SLC1A2: variants seen among roughly 807,000 people sequenced by gnomAD.
The protein encoded by SLC1A2 is solute carrier family 1 member 2.
A neutral mutation model predicts 48.8 loss-of-function variants in SLC1A2; 15 were observed. That is an observed-to-expected ratio of 0.31 (90% CI 0.21 to 0.47). SLC1A2 has a LOEUF of 0.47. Ranked by LOEUF, SLC1A2 falls within the 20% of genes least tolerant of loss-of-function variation. SLC1A2 has a pLI of 0.99. For synonymous variants in SLC1A2, 279 were observed against 272.6 expected, an observed-to-expected ratio of 1.02 and a Z score of -0.23; for missense variants, 502 against 730.5, an observed-to-expected ratio of 0.69 and a Z score of 3.61.
chr11:35,292,024 C>A, intron 7 of SLC1A2: 1 of 429,294 alleles, frequency 2.3e-6, no homozygotes, highest in South Asian at 3.7e-5. Context: ...GGCATGCAAA[C>A]AAATAGCATG....
At chr11:35,341,440 C>T (rs570923154) in intron 1 of SLC1A2, among the ~76,000 whole-genome samples, 24 of 152,234 alleles carry the variant, frequency 1.6e-4, no homozygotes, top group South Asian at 4.1e-4. Flanking sequence ...CTGTTAAAAA[C>T]CTAATAAGGT....
intron 1 of SLC1A2, among the ~76,000 whole-genome samples, chr11:35,335,833 T>C (rs1013245757): frequency 4.6e-5 from 7 of 152,038 alleles, no homozygotes; most frequent in Non-Finnish European, 1.0e-4. Flanking sequence ...CATAAGCCAG[T>C]CTCAAAAAAA....
At chr11:35,389,138 G>A (rs1231198800) in intron 1 of SLC1A2, among the ~76,000 whole-genome samples, 1 of 146,944 alleles carries the variant, frequency 6.8e-6, no homozygotes, top group Non-Finnish European at 1.5e-5. Flanking sequence ...AAAAACTGAG[G>A]GAAAAAAAAT....
intron 9 of SLC1A2, among the ~76,000 whole-genome samples, chr11:35,278,237 T>C (rs909544200): frequency 2.6e-5 from 4 of 151,916 alleles, no homozygotes; most frequent in Non-Finnish European, 5.9e-5. Context: ...GAACTGATTC[T>C]GTTCAGGGAG....
At chr11:35,314,611 G>T (rs1047158320) in intron 3 of SLC1A2, among the ~76,000 whole-genome samples, 1 of 151,838 alleles carries the variant, frequency 6.6e-6, no homozygotes, top group Non-Finnish European at 1.5e-5. Context: ...TACTCAGGAG[G>T]CTGAGGCAGG....
At chr11:35,361,668 G>C (rs4756223) in intron 1 of SLC1A2, among the ~76,000 whole-genome samples, 2 of 152,006 alleles carry the variant, frequency 1.3e-5, no homozygotes, top group East Asian at 3.9e-4. Context: ...TTTAGTCTTA[G>C]GGTAGAAAGG....
At chr11:35,388,476 C>G (rs1854652075) in intron 1 of SLC1A2, among the ~76,000 whole-genome samples, 1 of 152,226 alleles carries the variant, frequency 6.6e-6, no homozygotes, top group East Asian at 1.9e-4. Flanking sequence ...CTCACTGCAA[C>G]CTTGACCTCC....
chr11:35,365,295 A>C (rs114814970), intron 1 of SLC1A2, among the ~76,000 whole-genome samples: 1 of 152,174 alleles, frequency 6.6e-6, no homozygotes, highest in Non-Finnish European at 1.5e-5. Flanking sequence ...AAAGCCCTTG[A>C]CATTGCTCCT....
chr11:35,292,570 C>T, intron 6 of SLC1A2, 50 bp from the exon 7 acceptor site: 1 of 1,199,514 alleles, frequency 8.3e-7, no homozygotes, highest in Non-Finnish European at 1.2e-6. Flanking sequence ...ATTAGGGATT[C>T]AGAACCTGGG....
At chr11:35,276,450 T>TA (rs1277592968) in intron 9 of SLC1A2, among the ~76,000 whole-genome samples, 3 of 148,684 alleles carry the variant, frequency 2.0e-5, no homozygotes, top group East Asian at 4.0e-4. Context: ...ATCATCCTTT[T>TA]TAAAAAAAAA....
rs372545098 is a variant in SLC1A2 at position 35,326,534 on chromosome 11, A to G, written c.18-9018T>C. Among the ~76,000 whole-genome samples, 22 of 152,370 alleles carry G rather than the reference A, an allele frequency of 1.4e-4. No individual in the cohort carries two copies. In the East Asian group the frequency reaches 1.9e-3, roughly 13 times the overall value. On this transcript the variant is annotated intron_variant, in intron 1 of 10. Coordinates refer to ENST00000278379, the MANE Select transcript of SLC1A2 (RefSeq NM_004171.4). Reference sequence around the variant, plus strand: ...GGGTGAGGTGCTGTATACCTTAGCCAGGACTGGGTCTTTTTATCACACTTT... The same window carrying G: ...GGGTGAGGTGCTGTATACCTTAGCCGGGACTGGGTCTTTTTATCACACTTT...
rs1336521570 is a variant in SLC1A2 at position 35,251,579 on chromosome 11, T to C, written c.*9315A>G. ...GTGAATGTGAGGAATACAATTAGTT[T>C]TATCTTTTGTTCTGGACATACAAGA... On this transcript the variant is annotated 3_prime_UTR_variant, in exon 11 of 11. Transcript: ENST00000278379. 1 of 152,424 alleles carries C rather than the reference T, an allele frequency of 6.6e-6. No homozygotes were observed. Among genetic ancestry groups the C allele is most frequent in the African/African-American group, 2.4e-5 (1 of 41,466 alleles). The allele number at this position is 152,424 out of a possible 1,614,324, so 9.4% of individuals were successfully genotyped here.
At chr11:35,310,566 G>A (rs985824938) in intron 4 of SLC1A2, among the ~76,000 whole-genome samples, 1 of 152,212 alleles carries the variant, frequency 6.6e-6, no homozygotes, top group Non-Finnish European at 1.5e-5. Context: ...CTCAGCAATG[G>A]TTAAGGACTA....
At chr11:35,372,136 A>G (rs1006478691) in intron 1 of SLC1A2, among the ~76,000 whole-genome samples, 1 of 152,208 alleles carries the variant, frequency 6.6e-6, no homozygotes, top group African/African-American at 2.4e-5. Context: ...AAAGTAGAGA[A>G]GGGATGGAGA....
intron 1 of SLC1A2, among the ~76,000 whole-genome samples, chr11:35,327,491 AAAG>A (rs1437146058): frequency 6.6e-6 from 1 of 152,188 alleles, no homozygotes; most frequent in Non-Finnish European, 1.5e-5. Context: ...CTCACTGGCC[AAAG>A]AAGAAGTTTG....
At chr11:35,345,202 T>C (rs1176442285) in intron 1 of SLC1A2, among the ~76,000 whole-genome samples, 1 of 152,178 alleles carries the variant, frequency 6.6e-6, no homozygotes, top group Non-Finnish European at 1.5e-5. Context: ...GCTAAGACCA[T>C]CACACCTCAT....
In SLC1A2 at chr11:35,257,545, C is replaced by T. The variant is rs1002506689; in HGVS notation, c.*3349G>A. 2 of 152,108 alleles carry T rather than the reference C, an allele frequency of 1.3e-5. No individual in the cohort carries two copies. Among genetic ancestry groups the T allele is most frequent in the African/African-American group, 4.8e-5 (2 of 41,414 alleles). The allele number at this position is 152,108 out of a possible 1,614,324, so 9.4% of individuals were successfully genotyped here. A position where few individuals can be genotyped will look rare whatever the true frequency, so the allele number is the denominator to read the frequency against. On this transcript the variant is annotated 3_prime_UTR_variant, in exon 11 of 11. Transcript: ENST00000278379. ...GATCTGTGAGATCTAGATGATTGCC[C>T]TGATTTTCTGATGCTCTTTGTATGG... is the stretch of plus-strand genomic sequence containing the variant.
intron 9 of SLC1A2, among the ~76,000 whole-genome samples, chr11:35,273,488 T>C (rs1484945480): frequency 2.0e-5 from 3 of 152,200 alleles, no homozygotes; most frequent in South Asian, 2.1e-4. Context: ...ACTGCTAACA[T>C]GTATTGAGTG....
At chr11:35,299,722 C>G (rs1044135476) in intron 6 of SLC1A2, 1 of 131,866 alleles carries the variant, frequency 7.6e-6, no homozygotes, top group Non-Finnish European at 1.7e-5. Context: ...TAAAAAAGAA[C>G]AGATTTTTGC....
Sources: gnomAD v4.1 joint callset for allele counts (sites outside exome capture counted in the v4.1 genomes callset) on GRCh38, gnomAD v4.1.1 for gene constraint, MANE v1.5 for transcripts, NCBI Gene and HGNC (gene_info 2026-07-23, HGNC 2026-07-21) for gene names.